Variants in CSNK1D observed in about 807,000 individuals in gnomAD.
CSNK1D encodes the protein casein kinase I isoform delta.
In CSNK1D, 16 loss-of-function variants were observed where a neutral mutation model predicts 46.6. The ratio of observed to expected loss-of-function variants is 0.34; its 90% CI spans 0.23 to 0.52. The LOEUF is 0.52. CSNK1D is among the 20% of genes least tolerant of loss of function. CSNK1D has a pLI of 0.95. For synonymous variants in CSNK1D, 276 were observed against 228.2 expected, an observed-to-expected ratio of 1.21 and a Z score of -1.89; for missense variants, 398 against 578.4, an observed-to-expected ratio of 0.69 and a Z score of 3.20.
At chr17:82,242,053 G>C (rs1197229202), downstream of CSNK1D, among the ~76,000 whole-genome samples, 2 of 152,014 alleles carry the variant, frequency 1.3e-5, no homozygotes, top group East Asian at 3.9e-4. Context: ...GAGAGTACTG[G>C]GTGGAGGTGG....
Position 82,249,617 on chromosome 17 carries a change from G to A in CSNK1D, c.886-15C>T. ...CGGCTGGCACCCTGAGGAGGCAGGAGGTGAGGCCGGAATGGAACCAGCTTT... is the reference window on the plus strand; with the variant it reads ...CGGCTGGCACCCTGAGGAGGCAGGAAGTGAGGCCGGAATGGAACCAGCTTT... On this transcript the variant is annotated splice_polypyrimidine_tract_variant and intron_variant, in intron 6 of 8. Transcript: ENST00000314028. The surrounding 1 kb of genome is among the most constrained non-coding windows in gnomAD (Gnocchi z 6.7). 1 of 1,558,606 alleles carries A rather than the reference G, an allele frequency of 6.4e-7. No individual in the cohort carries two copies. Among genetic ancestry groups the A allele is most frequent in the Non-Finnish European group, 8.6e-7 (1 of 1,157,496 alleles).
intron 8 of CSNK1D, chr17:82,246,329 G>A: frequency 2.3e-6 from 3 of 1,325,582 alleles, no homozygotes; most frequent in Non-Finnish European, 2.9e-6. Context: ...GATCCCAGCA[G>A]GATGGCAGGT....
chr17:82,248,531 T>G lies in CSNK1D; in HGVS notation c.1197+344A>C. ...TCCCTCGGGCTGGGGGCACCCACAA[T>G]GGGGCGCAAGCAGGCGAGCGGTGTC... On this transcript the variant is annotated intron_variant, in intron 8 of 8. Transcript: ENST00000314028. This position sits in a 1 kb window ranked among gnomAD's most constrained non-coding sequence, Gnocchi z 4.1. 8.9e-7 allele frequency: 1 copy of G among 1,127,908 alleles called. No homozygotes were observed. The highest frequency in any genetic ancestry group is 1.1e-6 in the Non-Finnish European group (1 of 914,738). 69.9% of individuals were successfully genotyped at this position (1,127,908 alleles called of 1,614,324 possible). A position where few individuals can be genotyped will look rare whatever the true frequency, so the allele number is the denominator to read the frequency against.
intron 8 of CSNK1D, chr17:82,245,294 C>T (rs941827196): frequency 4.5e-5 from 13 of 291,542 alleles, no homozygotes; most frequent in Non-Finnish European, 8.0e-5. Flanking sequence ...AAGGAGCCGC[C>T]GAGCGCGCGT....
Position 82,251,354 on chromosome 17 carries a change from CG to C in CSNK1D, c.885+24del, listed in dbSNP as rs1568561553. ...GCCATCCCCCGCACACCACACTCAG[CG>C]AACGTGCTGGCAGTGCGACTTACAA... is the stretch of plus-strand genomic sequence containing the variant. On this transcript the variant is annotated intron_variant, in intron 6 of 8. Transcript: ENST00000314028. The surrounding 1 kb of genome is among the most constrained non-coding windows in gnomAD (Gnocchi z 4.5). 2 of 1,613,728 alleles carry C rather than the reference CG, an allele frequency of 1.2e-6. No homozygotes were observed. Among genetic ancestry groups the C allele is most frequent in the Non-Finnish European group, 8.5e-7 (1 of 1,179,762 alleles).
At chr17:82,262,059 C>T (rs1328417611) in intron 2 of CSNK1D, among the ~76,000 whole-genome samples, 1 of 152,214 alleles carries the variant, frequency 6.6e-6, no homozygotes, top group African/African-American at 2.4e-5. Flanking sequence ...CCAGGTTTTG[C>T]CCACCAGTCC....
chr17:82,240,574 C>T (rs1445068393), downstream of CSNK1D, among the ~76,000 whole-genome samples: 1 of 152,148 alleles, frequency 6.6e-6, no homozygotes, highest in Non-Finnish European at 1.5e-5. Flanking sequence ...CCAGGTATCT[C>T]GGGCCCTCAC....
chr17:82,243,764 G>C lies in CSNK1D; in HGVS notation c.*1017C>G, dbSNP rs1438589190. ...AGACGGAGTGCCAATCCGCACAGGA[G>C]CATTGAGTGCTGAGAAAATGGACTG... On this transcript the variant is annotated 3_prime_UTR_variant, in exon 9 of 9. Coordinates refer to ENST00000314028, the MANE Select transcript of CSNK1D (RefSeq NM_001893.6). 7 of 985,472 alleles carry C rather than the reference G, an allele frequency of 7.1e-6. No homozygotes were observed. Among genetic ancestry groups the C allele is most frequent in the Non-Finnish European group, 7.2e-6 (6 of 829,970 alleles). The allele number at this position is 985,472 out of a possible 1,614,324, so 61.0% of individuals were successfully genotyped here.
At chr17:82,262,370 T>C (rs1450900886) in intron 2 of CSNK1D, among the ~76,000 whole-genome samples, 1 of 152,222 alleles carries the variant, frequency 6.6e-6, no homozygotes, top group Non-Finnish European at 1.5e-5. Context: ...AACATAAGGC[T>C]GAAGAGCTCA....
chr17:82,249,780 C>T lies in CSNK1D; in HGVS notation c.886-178G>A, dbSNP rs2050953189. On this transcript the variant is annotated intron_variant, in intron 6 of 8. Transcript: ENST00000314028. The surrounding 1 kb of genome is among the most constrained non-coding windows in gnomAD (Gnocchi z 6.7). ...TCATGGGATGACAGCATCATCCCCA[C>T]AAGGGGTCAGAGCCAGGCCTCTCAG... 6.8e-7 allele frequency: 1 copy of T among 1,465,264 alleles called. No homozygotes were observed. The highest frequency in any genetic ancestry group is 9.0e-7 in the Non-Finnish European group (1 of 1,110,492). 90.8% of individuals were successfully genotyped at this position (1,465,264 alleles called of 1,614,324 possible). A position where few individuals can be genotyped will look rare whatever the true frequency, so the allele number is the denominator to read the frequency against.
chr17:82,247,793 A>G, intron 8 of CSNK1D: 1 of 985,442 alleles, frequency 1.0e-6, no homozygotes, highest in Middle Eastern at 5.2e-4. Flanking sequence ...CAAAGTCAAA[A>G]TAACCACGAA....
At position 82,249,790 on chromosome 17, in the gene CSNK1D, G is replaced by A; in HGVS notation, c.886-188C>T. On this transcript the variant is annotated intron_variant, in intron 6 of 8. Transcript: ENST00000314028. The surrounding 1 kb of genome is among the most constrained non-coding windows in gnomAD (Gnocchi z 6.7). Reference sequence around the variant, plus strand: ...ACAGCATCATCCCCACAAGGGGTCAGAGCCAGGCCTCTCAGCTCCCCCAAC... The same window carrying A: ...ACAGCATCATCCCCACAAGGGGTCAAAGCCAGGCCTCTCAGCTCCCCCAAC... The A allele has an allele frequency of 1.4e-6, 2 of 1,447,298 alleles. No individual in the cohort carries two copies. Among genetic ancestry groups the A allele is most frequent in the South Asian group, 2.9e-5 (2 of 69,348 alleles). The allele number at this position is 1,447,298 out of a possible 1,614,324, so 89.7% of individuals were successfully genotyped here.
chr17:82,259,498 T>C (rs1423911250), intron 2 of CSNK1D, among the ~76,000 whole-genome samples: 1 of 152,196 alleles, frequency 6.6e-6, no homozygotes, highest in Non-Finnish European at 1.5e-5. Flanking sequence ...ATAACCACCT[T>C]GGAAAAATCG....
intron 3 of CSNK1D, chr17:82,254,034 G>C (rs1379040065): frequency 4.6e-5 from 9 of 196,968 alleles, no homozygotes; most frequent in Non-Finnish European, 4.7e-5. Context: ...AGCCGCCGGA[G>C]CCTCGAGAAG....
rs1266091581 is a variant in CSNK1D at position 82,244,587 on chromosome 17, C to T, written c.*194G>A. 1 of 1,510,640 alleles carries T rather than the reference C, an allele frequency of 6.6e-7. No individual in the cohort carries two copies. The highest frequency in any genetic ancestry group is 8.8e-7 in the Non-Finnish European group (1 of 1,131,170). The allele number at this position is 1,510,640 out of a possible 1,614,324, so 93.6% of individuals were successfully genotyped here. A position where few individuals can be genotyped will look rare whatever the true frequency, so the allele number is the denominator to read the frequency against. On this transcript the variant is annotated 3_prime_UTR_variant, in exon 9 of 9. Transcript: ENST00000314028. ...GTTCACGTGGGGGGCCGCAGTGCAGCCCCAGCGGTGGCAGCTCTTGGAGTC... is the reference window on the plus strand; with the variant it reads ...GTTCACGTGGGGGGCCGCAGTGCAGTCCCAGCGGTGGCAGCTCTTGGAGTC...
At position 82,255,494 on chromosome 17, in the gene CSNK1D, C is replaced by T. The variant is rs746760351; in HGVS notation, c.271G>A (p.Asp91Asn). The part of the protein sequence containing the change: ...VMELLGPSLE[D>N]LFNFCSRKFS... ...TTCCTGGAGCAGAAGTTGAAGAGGT[C>T]CTCCAGGCTTGGCCCCAGCAGCTCC... The change falls in exon 3 of 9, where the codon GAC (aspartate) becomes AAC (asparagine). Residue 91 changes from aspartate to asparagine, a missense_variant. By Grantham distance (23) the Asp-to-Asn change is conservative. This residue lies in a region of CSNK1D where 217 missense variants were observed against 370.3 expected (regional missense o/e 0.59). Coordinates refer to ENST00000314028, the MANE Select transcript of CSNK1D (RefSeq NM_001893.6). The surrounding 1 kb of genome is among the most constrained non-coding windows in gnomAD (Gnocchi z 5.9). The T allele has an allele frequency of 6.2e-7, 1 of 1,614,032 alleles. No individual in the cohort carries two copies. Among genetic ancestry groups the T allele is most frequent in the African/African-American group, 1.3e-5 (1 of 74,926 alleles).
At chr17:82,239,866 TCCAGCCCGGC>T, downstream of CSNK1D, 1 of 587,408 alleles carries the variant, frequency 1.7e-6, no homozygotes, top group East Asian at 3.5e-5. Flanking sequence ...CTGTCCTCCA[TCCAGCCCGGC>T]CCAGCGCTTG....
At position 82,243,258 on chromosome 17, in the gene CSNK1D, G is replaced by A. The variant is rs1234744483; in HGVS notation, c.*1523C>T. On this transcript the variant is annotated 3_prime_UTR_variant, in exon 9 of 9. Coordinates refer to ENST00000314028, the MANE Select transcript of CSNK1D (RefSeq NM_001893.6). ...GGCATCCGGGGAACTCTGGGGAGGA[G>A]AAGGGAGAACCAAGGTGCACACCTT... The A allele has an allele frequency of 2.0e-6, 2 of 985,432 alleles. No homozygotes were observed. The highest frequency in any genetic ancestry group is 4.7e-5 in the South Asian group (1 of 21,292). 61.0% of individuals were successfully genotyped at this position (985,432 alleles called of 1,614,324 possible). A position where few individuals can be genotyped will look rare whatever the true frequency, so the allele number is the denominator to read the frequency against.
chr17:82,248,298 C>G lies in CSNK1D; in HGVS notation c.1197+577G>C, dbSNP rs965171023. 1.6e-5 allele frequency: 16 copies of G among 988,064 alleles called. No homozygotes were observed. Among genetic ancestry groups the G allele is most frequent in the Middle Eastern group, 1.0e-3 (2 of 1,938 alleles). 61.2% of individuals were successfully genotyped at this position (988,064 alleles called of 1,614,324 possible). A position where few individuals can be genotyped will look rare whatever the true frequency, so the allele number is the denominator to read the frequency against. ...AGAGCGAGGAGAGGAGAGACCGCTG[C>G]AGGATGCTGAAGAGGCGGTGGCCGT... On this transcript the variant is annotated intron_variant, in intron 8 of 8. Coordinates refer to ENST00000314028, the MANE Select transcript of CSNK1D (RefSeq NM_001893.6). This position sits in a 1 kb window ranked among gnomAD's most constrained non-coding sequence, Gnocchi z 4.1.
Sources: gnomAD v4.1 joint callset for allele counts (sites outside exome capture counted in the v4.1 genomes callset) on GRCh38, gnomAD v4.1.1 for gene constraint, gnomAD v4.1.1 regional missense constraint, Gnocchi (gnomAD v3.1) non-coding constraint, MANE v1.5 for transcripts, NCBI Gene and HGNC (gene_info 2026-07-23, HGNC 2026-07-21) for gene names.